Variants in UTRN observed in about 807,000 individuals in gnomAD.
The protein encoded by UTRN is dystrophin-related protein 1.
Under a neutral mutation model 463.9 loss-of-function variants are expected in UTRN, and 283 were observed. That is an observed-to-expected ratio of 0.61 (90% CI 0.55 to 0.67). The LOEUF (loss-of-function observed/expected upper bound fraction) is 0.67. Ranked by LOEUF, UTRN falls within the 30% of genes least tolerant of loss-of-function variation. UTRN has a pLI of 0.00. For missense variants in UTRN, 3,922 were observed against 4,084.3 expected (o/e 0.96, Z 1.08); for synonymous variants, 1,442 against 1,431.5 (o/e 1.01, Z -0.17).
chr6:144,529,617 G>A (rs1054687392), intron 41 of UTRN, among the ~76,000 whole-genome samples: 16 of 152,120 alleles, frequency 1.1e-4, no homozygotes, highest in Non-Finnish European at 1.9e-4. Context: ...AAATGATAAT[G>A]AGTGTCAATA....
At chr6:144,371,971 TG>T (rs1194786567) in intron 2 of UTRN, among the ~76,000 whole-genome samples, 9 of 152,216 alleles carry the variant, frequency 5.9e-5, no homozygotes, top group African/African-American at 1.9e-4. Context: ...TGAATTCCTT[TG>T]TTTCAACTAC....
intron 13 of UTRN, among the ~76,000 whole-genome samples, chr6:144,442,196 T>G (rs1787250347): frequency 6.6e-6 from 1 of 152,200 alleles, no homozygotes; most frequent in Admixed American, 6.5e-5. Flanking sequence ...TATTGCATTG[T>G]CAGGCTGCAA....
intron 52 of UTRN, among the ~76,000 whole-genome samples, chr6:144,696,839 AC>A (rs1586073276): frequency 6.6e-6 from 1 of 152,154 alleles, no homozygotes; most frequent in East Asian, 1.9e-4. Context: ...TCTCACACTT[AC>A]TCACACTATT....
At chr6:144,820,490 T>A (rs370161344) in intron 65 of UTRN, among the ~76,000 whole-genome samples, 77,745 of 151,918 alleles carry the variant, frequency 0.51, 22,679 homozygotes, top group East Asian at 0.9. Context: ...ACCATTGTGG[T>A]TAAAACCACA....
At chr6:144,792,477 G>A (rs1219350859) in intron 62 of UTRN, among the ~76,000 whole-genome samples, 1 of 152,110 alleles carries the variant, frequency 6.6e-6, no homozygotes, top group Non-Finnish European at 1.5e-5. Flanking sequence ...AACCCGGTAG[G>A]TGGAGGTTGC....
chr6:144,606,310 A>G (rs1377654121), intron 51 of UTRN, among the ~76,000 whole-genome samples: 1 of 152,250 alleles, frequency 6.6e-6, no homozygotes, highest in African/African-American at 2.4e-5. Context: ...CAAAAGAGAG[A>G]GCAAGAAAGA....
At chr6:144,381,120 A>G (rs1780874267) in intron 2 of UTRN, among the ~76,000 whole-genome samples, 1 of 152,020 alleles carries the variant, frequency 6.6e-6, no homozygotes, top group Admixed American at 6.6e-5. Flanking sequence ...TTCATCATCC[A>G]GGTATTAAGC....
At chr6:144,465,202 T>C (rs1789822603) in intron 23 of UTRN, among the ~76,000 whole-genome samples, 1 of 152,258 alleles carries the variant, frequency 6.6e-6, no homozygotes, top group South Asian at 2.1e-4. Flanking sequence ...AAAGTATAAA[T>C]GGAGATTAAC....
At position 144,344,891 on chromosome 6, in the gene UTRN, C is replaced by A. The variant is rs529205775; in HGVS notation, c.79+52984C>A. On this transcript the variant is annotated intron_variant, in intron 2 of 74. Coordinates refer to ENST00000367545, the MANE Select transcript of UTRN (RefSeq NM_007124.3). ...AACTTCATGCAGGGAAAGTGTCGTGCACTTTTCTCTCGCTGAAGTTTACTT... is the reference window on the plus strand; with the variant it reads ...AACTTCATGCAGGGAAAGTGTCGTGAACTTTTCTCTCGCTGAAGTTTACTT... Among the ~76,000 whole-genome samples the A allele has an allele frequency of 5.3e-5, 8 of 152,288 alleles. No homozygotes were observed. In the South Asian group the frequency reaches 1.7e-3, roughly 32 times the overall value.
chr6:144,547,056 A>T (rs1798478789), intron 46 of UTRN, among the ~76,000 whole-genome samples: 1 of 152,226 alleles, frequency 6.6e-6, no homozygotes, highest in South Asian at 2.1e-4. Flanking sequence ...TGTGCTGATG[A>T]TAATAGTGTA....
At chr6:144,407,473 C>A (rs1280398474) in intron 3 of UTRN, among the ~76,000 whole-genome samples, 2 of 152,144 alleles carry the variant, frequency 1.3e-5, no homozygotes, top group African/African-American at 4.8e-5. Flanking sequence ...ATCCAGCTAT[C>A]CAAACTTTCC....
intron 2 of UTRN, among the ~76,000 whole-genome samples, chr6:144,357,244 T>C (rs1359398511): frequency 6.6e-6 from 1 of 152,200 alleles, no homozygotes; most frequent in Non-Finnish European, 1.5e-5. Flanking sequence ...TAGGAGCCTG[T>C]ACTTTGGCTC....
At chr6:144,715,012 C>T (rs1312677223) in intron 53 of UTRN, among the ~76,000 whole-genome samples, 4 of 152,156 alleles carry the variant, frequency 2.6e-5, no homozygotes, top group African/African-American at 9.7e-5. Flanking sequence ...ACTTGTCAGG[C>T]CATGTCACCT....
intron 53 of UTRN, among the ~76,000 whole-genome samples, chr6:144,718,661 C>A (rs752334114): frequency 5.3e-5 from 8 of 152,190 alleles, no homozygotes; most frequent in Non-Finnish European, 1.0e-4. Flanking sequence ...GTACCTAAGG[C>A]TTTGGCTGCA....
chr6:144,839,210 G>C lies in UTRN; in HGVS notation c.10103G>C (p.Trp3368Ser), dbSNP rs1184891086. The C allele has an allele frequency of 1.9e-6, 3 of 1,614,026 alleles. No individual in the cohort carries two copies. The highest frequency in any genetic ancestry group is 1.7e-6 in the Non-Finnish European group (2 of 1,179,936). Residue 3368 changes from tryptophan to serine, a missense_variant, in exon 72 of 75, where the codon TGG becomes TCG. Trp to Ser is a radical substitution (Grantham distance 177). Transcript: ENST00000367545. ...TCCCGAATCAATGGTGTTTCCCCAT[G>C]GGCTTCTCCTCAGCATTCTGCACTG... The part of the protein sequence containing the change: ...SDSRINGVSP[W>S]ASPQHSALSY...
intron 52 of UTRN, among the ~76,000 whole-genome samples, chr6:144,699,522 CTG>C (rs1426588004): frequency 1.1e-5 from 1 of 90,634 alleles, no homozygotes; most frequent in Non-Finnish European, 2.0e-5. Context: ...TACTATGAGT[CTG>C]TTGTAAATCC....
chr6:144,447,831 AT>A, intron 16 of UTRN, 50 bp downstream of exon 16: 1 of 1,515,410 alleles, frequency 6.6e-7, no homozygotes, highest in East Asian at 2.3e-5. Flanking sequence ...AACATTTAAA[AT>A]TTAAATGTTC....
chr6:144,739,609 A>T lies in UTRN; in HGVS notation c.7940-8637A>T, dbSNP rs536022850. 1.1e-4 allele frequency among the ~76,000 whole-genome samples: 17 copies of T among 152,290 alleles called. No individual in the cohort carries two copies. The South Asian group carries it at 2.7e-3, about 24-fold the overall frequency. ...TAAGTGTAGGCATGAAGGGGAAGGC[A>T]TTGGCCTCCATAACCGAGCCACGGT... On this transcript the variant is annotated intron_variant, in intron 54 of 74. Coordinates refer to ENST00000367545, the MANE Select transcript of UTRN (RefSeq NM_007124.3).
At chr6:144,439,297 G>A (rs1786895370) in intron 12 of UTRN, among the ~76,000 whole-genome samples, 1 of 152,130 alleles carries the variant, frequency 6.6e-6, no homozygotes, top group African/African-American at 2.4e-5. Flanking sequence ...ATTTAATTTG[G>A]TCACAAGTCT....
Sources: allele counts gnomAD v4.1 joint callset (sites outside exome capture counted in the v4.1 genomes callset), GRCh38; gene constraint gnomAD v4.1.1; transcripts MANE v1.5; gene names NCBI Gene and HGNC (gene_info 2026-07-23, HGNC 2026-07-21).